Variants in PPM1F observed in about 807,000 individuals in gnomAD.
The protein encoded by PPM1F is protein phosphatase, Mg2+/Mn2+ dependent 1F, also known as protein phosphatase 1F.
In PPM1F, 17 loss-of-function variants were observed where a neutral mutation model predicts 35.5. The ratio of observed to expected loss-of-function variants is 0.48; its 90% CI spans 0.33 to 0.72. The LOEUF is 0.72. PPM1F is among the 30% of genes least tolerant of loss of function. The pLI is 0.02. For synonymous variants in PPM1F, 241 were observed against 255.5 expected (o/e 0.94, Z 0.54); for missense variants, 521 against 613.0 (o/e 0.85, Z 1.59).
Position 21,931,215 on chromosome 22 carries a change from G to C in PPM1F, c.824C>G (p.Ser275Cys). 6.2e-7 allele frequency: 1 copy of C among 1,614,130 alleles called. No individual in the cohort carries two copies. Among genetic ancestry groups the C allele is most frequent in the Non-Finnish European group, 8.5e-7 (1 of 1,180,038 alleles). Reference sequence around the variant, plus strand: ...TCCCTGCTGTACCAAAATGACCTGGGAATCCCCGAGCCAGGCGACGTGCAG... The same window carrying C: ...TCCCTGCTGTACCAAAATGACCTGGCAATCCCCGAGCCAGGCGACGTGCAG... ...ATLHVAWLGD[S>C]QVILVQQGQV... Residue 275 changes from serine (S) to cysteine (C), a missense_variant, in exon 6 of 8, where the codon TCC (serine) becomes TGC (cysteine). Around this residue, in one of 3 missense-constraint regions of PPM1F, gnomAD observed 47 missense variants for 92.0 expected, o/e 0.51. Coordinates refer to ENST00000263212, the MANE Select transcript of PPM1F (RefSeq NM_014634.4).
At chr22:21,935,548 T>C (rs891175965) in intron 3 of PPM1F, 1 of 152,216 alleles carries the variant, frequency 6.6e-6, no homozygotes. Context: ...TGTGCAGCTA[T>C]GATTATCTCA....
At position 21,945,925 on chromosome 22, in the gene PPM1F, A is replaced by G. The variant is rs1372867749; in HGVS notation, c.124T>C (p.Trp42Arg). Residue 42 changes from tryptophan (W) to arginine (R), a missense_variant, in exon 2 of 8, where the codon TGG becomes CGG. This residue lies in a region of PPM1F where 311 missense variants were observed against 351.5 expected (regional missense o/e 0.88). Coordinates refer to ENST00000263212, the MANE Select transcript of PPM1F (RefSeq NM_014634.4). ...CTGAGCACCGTCCCTGGGGCCTTCC[A>G]TGGCAGAGGGTCCTCTGGGTTCAGC... is the stretch of plus-strand genomic sequence containing the variant. ...ALLNPEDPLPWKAPGTVLSQE... is the reference protein window; with the variant it reads ...ALLNPEDPLPRKAPGTVLSQE... The G allele has an allele frequency of 6.2e-7, 1 of 1,612,876 alleles. No homozygotes were observed. Among genetic ancestry groups the G allele is most frequent in the African/African-American group, 1.3e-5 (1 of 74,900 alleles).
At chr22:21,938,367 T>C in intron 3 of PPM1F, 1 of 1,176,314 alleles carries the variant, frequency 8.5e-7, no homozygotes, top group Non-Finnish European at 1.1e-6. Flanking sequence ...CGCCTGTCAC[T>C]GTGGACAGCT....
At chr22:21,924,133 G>A (rs1199944342) in intron 7 of PPM1F, among the ~76,000 whole-genome samples, 1 of 152,142 alleles carries the variant, frequency 6.6e-6, no homozygotes, top group East Asian at 1.9e-4. Flanking sequence ...CAGAGGGGTA[G>A]GTGCCAAATC....
chr22:21,927,930 GTTTTTT>G, intron 6 of PPM1F, among the ~76,000 whole-genome samples: 1 of 93,390 alleles, frequency 1.1e-5, no homozygotes. Context: ...TCTTGATTCT[GTTTTTT>G]GTTTTGTTTT....
intron 7 of PPM1F, among the ~76,000 whole-genome samples, chr22:21,923,912 T>A (rs1173269476): frequency 6.6e-6 from 1 of 150,804 alleles, no homozygotes; most frequent in Non-Finnish European, 1.5e-5. Context: ...ATGGTCTCGA[T>A]CTCTTGACCT....
rs755560130 is a variant in PPM1F at position 21,923,350 on chromosome 22, C to T, written c.1107G>A (p.Gln369=). 6.2e-7 allele frequency: 1 copy of T among 1,613,810 alleles called. No individual in the cohort carries two copies. The highest frequency in any genetic ancestry group is 8.5e-7 in the Non-Finnish European group (1 of 1,179,966). Reference sequence around the variant, plus strand: ...GGCTCTGGACCAGGCCAACAACTTCCTGGTGGGGTACGACGTCAAAGAAGC... The same window carrying T: ...GGCTCTGGACCAGGCCAACAACTTCTTGGTGGGGTACGACGTCAAAGAAGC... The part of the protein sequence containing the change: ...CDGFFDVVPH[Q]EVVGLVQSHL... The change falls in exon 8 of 8, where the codon CAG becomes CAA. Residue 369 remains glutamine, a synonymous_variant. Coordinates refer to ENST00000263212, the MANE Select transcript of PPM1F (RefSeq NM_014634.4).
intron 1 of PPM1F, chr22:21,950,632 GTTTTTT>G (rs551023228): frequency 6.6e-6 from 1 of 150,942 alleles, no homozygotes; most frequent in African/African-American, 2.4e-5. Flanking sequence ...TTTTGTTTTT[GTTTTTT>G]TTGAGACAGA....
intron 7 of PPM1F, among the ~76,000 whole-genome samples, chr22:21,923,739 G>A (rs576017333): frequency 4.6e-5 from 7 of 151,862 alleles, no homozygotes; most frequent in East Asian, 1.9e-4. Flanking sequence ...CTGCAGTGGC[G>A]CGATCTCAGC....
chr22:21,923,135 G>C lies in PPM1F; in HGVS notation c.1322C>G (p.Ser441Cys). 6.2e-7 allele frequency: 1 copy of C among 1,613,120 alleles called. No homozygotes were observed. Among genetic ancestry groups the C allele is most frequent in the Admixed American group, 1.7e-5 (1 of 59,944 alleles). The change falls in exon 8 of 8, where the codon TCC becomes TGC. Residue 441 changes from serine to cysteine, a missense_variant. Ser to Cys is a moderately radical substitution (Grantham distance 112). Around this residue, in one of 3 missense-constraint regions of PPM1F, gnomAD observed 163 missense variants for 169.6 expected, o/e 0.96. Transcript: ENST00000263212. The stretch of plus-strand genomic sequence containing the variant: ...CTGGGTCTCAGGTTCTGGAAGGCTG[G>C]AGGGCAAGTCCTGCCTCCTCCCTTC... Reference protein sequence around the residue: ...QAEGRRQDLPSSLPEPETQAP... With the variant: ...QAEGRRQDLPCSLPEPETQAP...
chr22:21,930,905 TG>T (rs2070581025), intron 6 of PPM1F, among the ~76,000 whole-genome samples: 1 of 152,196 alleles, frequency 6.6e-6, no homozygotes, highest in Non-Finnish European at 1.5e-5. Context: ...CTGGGATGCC[TG>T]TCAGTGCAGA....
chr22:21,938,429 C>CAGGGCGG (rs1045740704), intron 3 of PPM1F: 141 of 1,156,906 alleles, frequency 1.2e-4, no homozygotes, highest in Admixed American at 7.0e-4. Flanking sequence ...GGCAGGGAGC[C>CAGGGCGG]AGGGCGGAGG....
intron 3 of PPM1F, chr22:21,938,520 C>G (rs1026875134): frequency 9.3e-7 from 1 of 1,077,150 alleles, no homozygotes; most frequent in African/African-American, 1.7e-5. Context: ...CTCTCTTCTC[C>G]CACCTTGTTC....
rs777112474 is a variant in PPM1F at position 21,931,265 on chromosome 22, C to T, written c.774G>A (p.Val258=). The change falls in exon 6 of 8, where the codon GTG becomes GTA. Residue 258 remains valine (V), a synonymous_variant. Transcript: ENST00000263212. ...RERLQSGTTG[V]CALIAGATLH... is the part of the protein sequence containing the mutation. ...GGGTCGCTCCTGCAATGAGCGCACA[C>T]ACACCTGTGGTGCCGCTCTGCAGCC... is the stretch of plus-strand genomic sequence containing the variant. 20 of 1,613,206 alleles carry T rather than the reference C, an allele frequency of 1.2e-5. No individual in the cohort carries two copies. Among genetic ancestry groups the T allele is most frequent in the Admixed American group, 1.7e-5 (1 of 60,010 alleles).
Position 21,920,814 on chromosome 22 carries a change from T to C in PPM1F, c.*2278A>G, listed in dbSNP as rs2070438978. ...CACTCTCGGCAGCCAGGAACAGAAT[T>C]ATTAGCAAAGAAAAGAGAAAAGCAG... is the stretch of plus-strand genomic sequence containing the variant. On this transcript the variant is annotated 3_prime_UTR_variant, in exon 8 of 8. Transcript: ENST00000263212. The C allele has an allele frequency of 6.6e-6, 1 of 152,184 alleles. No individual in the cohort carries two copies. The highest frequency in any genetic ancestry group is 1.5e-5 in the Non-Finnish European group (1 of 68,030). The allele number at this position is 152,184 out of a possible 1,614,324, so 9.4% of individuals were successfully genotyped here.
intron 6 of PPM1F, 67 bp from the exon 7 acceptor site, chr22:21,925,729 C>A: frequency 7.6e-7 from 1 of 1,318,292 alleles, no homozygotes; most frequent in Non-Finnish European, 1.0e-6. Flanking sequence ...CCTGCTGCTA[C>A]CTGAGCAGAG....
Position 21,922,673 on chromosome 22 carries a change from TCCGCTGCTGGGCCTGAC to T in PPM1F, c.*402_*418del, listed in dbSNP as rs1289924169. ...GCAATGGGAAACTGGGGCTGGCCAC[TCCGCTGCTGGGCCTGAC>T]CCAGGGGGTGCTTCAAGAGTTTGGC... On this transcript the variant is annotated 3_prime_UTR_variant, in exon 8 of 8. Transcript: ENST00000263212. The T allele has an allele frequency of 6.1e-6, 1 of 163,486 alleles. No homozygotes were observed. Among genetic ancestry groups the T allele is most frequent in the Non-Finnish European group, 1.3e-5 (1 of 76,016 alleles). 10.1% of individuals were successfully genotyped at this position (163,486 alleles called of 1,614,324 possible). A position where few individuals can be genotyped will look rare whatever the true frequency, so the allele number is the denominator to read the frequency against.
At chr22:21,933,953 G>A in intron 4 of PPM1F, 71 bp downstream of exon 4, 1 of 1,431,840 alleles carries the variant, frequency 7.0e-7, no homozygotes, top group Non-Finnish European at 9.4e-7. Context: ...GCTCTTCTCG[G>A]TACCTGGGGG....
intron 1 of PPM1F, chr22:21,951,693 G>A (rs1051917739): frequency 2.0e-5 from 3 of 152,130 alleles, no homozygotes; most frequent in African/African-American, 4.8e-5. Context: ...TTGTGTAGAG[G>A]TTCATGGCTT....
Sources: gnomAD v4.1 joint callset for allele counts (sites outside exome capture counted in the v4.1 genomes callset) on GRCh38, gnomAD v4.1.1 for gene constraint, gnomAD v4.1.1 regional missense constraint, MANE v1.5 for transcripts, NCBI Gene and HGNC (gene_info 2026-07-23, HGNC 2026-07-21) for gene names.